Variants in STRN observed in about 807,000 individuals in gnomAD.
The protein encoded by STRN is protein phosphatase 2 regulatory subunit B'''alpha.
STRN carries 53 observed loss-of-function variants against 96.3 expected under a neutral mutation model. That is an observed-to-expected ratio of 0.55 (90% CI 0.44 to 0.69). The LOEUF (loss-of-function observed/expected upper bound fraction) is 0.69. Ranked by LOEUF, STRN falls within the 30% of genes least tolerant of loss-of-function variation. The probability of loss-of-function intolerance (pLI) is 0.00; values close to 1 mark genes in which losing one functional copy is unlikely to be tolerated. For missense variants in STRN, 987 were observed against 963.9 expected (o/e 1.02, Z -0.32); for synonymous variants, 428 against 355.9 (o/e 1.20, Z -2.28).
intron 1 of STRN, among the ~76,000 whole-genome samples, chr2:36,943,915 G>A (rs1337519111): frequency 2.0e-5 from 3 of 151,852 alleles, no homozygotes; most frequent in Non-Finnish European, 2.9e-5. Context: ...TCAGGAGTTC[G>A]AGACCAGCCT....
In STRN at chr2:36,845,307, T is replaced by G. The variant is rs1406327653; in HGVS notation, c.*4149A>C. The G allele has an allele frequency of 6.6e-6, 1 of 152,164 alleles. No homozygotes were observed. Among genetic ancestry groups the G allele is most frequent in the Non-Finnish European group, 1.5e-5 (1 of 68,016 alleles). 9.4% of individuals were successfully genotyped at this position (152,164 alleles called of 1,614,324 possible). On this transcript the variant is annotated 3_prime_UTR_variant, in exon 18 of 18. Coordinates refer to ENST00000263918, the MANE Select transcript of STRN (RefSeq NM_003162.4). ...GCCTTTCAGTCTGATTTGTGACATC[T>G]TAATACAATATAACTTAAATGACAA...
rs577427857 is a variant in STRN, at chr2:36,953,606, G to C, written c.234+12624C>G. On this transcript the variant is annotated intron_variant, in intron 1 of 17. Transcript: ENST00000263918. ...TTTAGTAGAGACAGGGTTTCACCAT[G>C]TTAGCCAGGATGGTCTCGATCTCCT... is the stretch of plus-strand genomic sequence containing the variant. Among the ~76,000 whole-genome samples, 173 of 152,152 alleles carry C rather than the reference G, an allele frequency of 1.1e-3. 2 individuals carry two copies. The highest frequency in any genetic ancestry group is 7.5e-3 in the Admixed American group (114 of 15,280).
chr2:36,890,646 G>A (rs2148184137), intron 7 of STRN, among the ~76,000 whole-genome samples: 1 of 152,018 alleles, frequency 6.6e-6, no homozygotes, highest in Non-Finnish European at 1.5e-5. Flanking sequence ...CCAATGCCCA[G>A]CTAATTTTCA....
intron 13 of STRN, 22 bp downstream of exon 13, chr2:36,861,110 A>G (rs1668467703): frequency 1.2e-6 from 2 of 1,611,088 alleles, no homozygotes; most frequent in African/African-American, 1.3e-5. Context: ...TTATTCCTTC[A>G]GATCTTTGGG....
At chr2:36,932,714 T>C (rs1173581433) in intron 1 of STRN, among the ~76,000 whole-genome samples, 2 of 152,206 alleles carry the variant, frequency 1.3e-5, no homozygotes, top group African/African-American at 4.8e-5. Context: ...GTGATCCTTC[T>C]AGATAACATT....
At chr2:36,877,489 T>G (rs1200662020) in intron 10 of STRN, among the ~76,000 whole-genome samples, 1 of 152,254 alleles carries the variant, frequency 6.6e-6, no homozygotes, top group Non-Finnish European at 1.5e-5. Flanking sequence ...TCTACACTTG[T>G]AAAGAAGTTT....
At chr2:36,939,070 C>T (rs1670776626) in intron 1 of STRN, among the ~76,000 whole-genome samples, 1 of 151,972 alleles carries the variant, frequency 6.6e-6, no homozygotes, top group South Asian at 2.1e-4. Flanking sequence ...ACTGCAACCT[C>T]CAACTTGCTG....
At chr2:36,887,342 T>C (rs1289860641) in intron 7 of STRN, among the ~76,000 whole-genome samples, 1 of 151,446 alleles carries the variant, frequency 6.6e-6, no homozygotes, top group East Asian at 1.9e-4. Context: ...TGGTACCTCA[T>C]GCCTGTAATC....
At chr2:36,920,029 A>C (rs1291324679) in intron 2 of STRN, among the ~76,000 whole-genome samples, 1 of 152,222 alleles carries the variant, frequency 6.6e-6, no homozygotes, top group Non-Finnish European at 1.5e-5. Context: ...TGCAAAAATC[A>C]TGCAAAGAAA....
chr2:36,963,408 G>A (rs1244917717), intron 1 of STRN, among the ~76,000 whole-genome samples: 6 of 152,126 alleles, frequency 3.9e-5, no homozygotes, highest in Non-Finnish European at 5.9e-5. Context: ...TCATCACAAC[G>A]CATTCAACTA....
chr2:36,959,384 T>TA (rs1186346590), intron 1 of STRN, among the ~76,000 whole-genome samples: 7 of 152,198 alleles, frequency 4.6e-5, no homozygotes, highest in African/African-American at 1.4e-4. Flanking sequence ...GCAGTACATA[T>TA]ACTCAAATTG....
At chr2:36,908,027 G>A (rs1026275199) in intron 3 of STRN, among the ~76,000 whole-genome samples, 1 of 151,994 alleles carries the variant, frequency 6.6e-6, no homozygotes, top group Admixed American at 6.6e-5. Context: ...GAGCAAAAAC[G>A]CTGCCCCCAA....
rs1235595636 is a variant in STRN at position 36,966,451 on chromosome 2, C to T, written c.13G>A (p.Ala5Thr). Residue 5 changes from alanine (A) to threonine (T), a missense_variant, in exon 1 of 18, where the codon GCG (alanine) becomes ACG (threonine). Ala to Thr is a moderately conservative substitution (Grantham distance 58). Coordinates refer to ENST00000263918, the MANE Select transcript of STRN (RefSeq NM_003162.4). ...TTGCTGAAGAAGACGCCGGGACCCGCCTGCTCGTCCATGGCGGCCGCAGAT... is the reference window on the plus strand; with the variant it reads ...TTGCTGAAGAAGACGCCGGGACCCGTCTGCTCGTCCATGGCGGCCGCAGAT... MDEQAGPGVFFSNNH... is the reference protein window; with the variant it reads MDEQTGPGVFFSNNH... The T allele has an allele frequency of 6.8e-6, 10 of 1,463,050 alleles. No individual in the cohort carries two copies. The African/African-American group carries it at 8.8e-5, about 13-fold the overall frequency. The allele number at this position is 1,463,050 out of a possible 1,614,324, so 90.6% of individuals were successfully genotyped here. A position where few individuals can be genotyped will look rare whatever the true frequency, so the allele number is the denominator to read the frequency against.
chr2:36,896,558 G>A (rs1170546983), intron 6 of STRN, among the ~76,000 whole-genome samples: 1 of 152,120 alleles, frequency 6.6e-6, no homozygotes. Flanking sequence ...GAAATTAAGA[G>A]AAAACCAAAG....
chr2:36,846,852 T>C lies in STRN; in HGVS notation c.*2604A>G, dbSNP rs966993975. ...CTCCCAGAGATGTATCCACAGCATA[T>C]GAAAATAAGGCAGGGATCCAAACCT... On this transcript the variant is annotated 3_prime_UTR_variant, in exon 18 of 18. Coordinates refer to ENST00000263918, the MANE Select transcript of STRN (RefSeq NM_003162.4). The C allele has an allele frequency of 1.3e-5, 2 of 152,104 alleles. No homozygotes were observed. The highest frequency in any genetic ancestry group is 1.3e-4 in the Admixed American group (2 of 15,256). The allele number at this position is 152,104 out of a possible 1,614,324, so 9.4% of individuals were successfully genotyped here. A position where few individuals can be genotyped will look rare whatever the true frequency, so the allele number is the denominator to read the frequency against.
intron 2 of STRN, among the ~76,000 whole-genome samples, chr2:36,923,227 T>C (rs946357285): frequency 2.6e-5 from 4 of 151,682 alleles, no homozygotes; most frequent in Admixed American, 2.6e-4. Context: ...AGATGGTGGA[T>C]TACCTGAGGT....
intron 7 of STRN, among the ~76,000 whole-genome samples, chr2:36,887,734 G>A (rs1285012759): frequency 6.6e-6 from 1 of 152,102 alleles, no homozygotes; most frequent in African/African-American, 2.4e-5. Context: ...CAACTTAAAT[G>A]ATGTTAGTTT....
chr2:36,895,067 C>A (rs1307194479), intron 6 of STRN, among the ~76,000 whole-genome samples: 2 of 152,094 alleles, frequency 1.3e-5, no homozygotes, highest in East Asian at 1.9e-4. Context: ...GTGGCTCATG[C>A]CTGTAATCCC....
intron 11 of STRN, among the ~76,000 whole-genome samples, chr2:36,868,062 A>G (rs901970470): frequency 6.6e-6 from 1 of 152,204 alleles, no homozygotes; most frequent in African/African-American, 2.4e-5. Flanking sequence ...TAATAATATC[A>G]TGTTACAGTA....
Sources: allele counts gnomAD v4.1 joint callset (sites outside exome capture counted in the v4.1 genomes callset), GRCh38; gene constraint gnomAD v4.1.1; transcripts MANE v1.5; gene names NCBI Gene and HGNC (gene_info 2026-07-23, HGNC 2026-07-21).